Variants in CSNK1G3 observed in about 807,000 individuals in gnomAD.
CSNK1G3 encodes the protein casein kinase I isoform gamma-3.
Under a neutral mutation model 64.3 loss-of-function variants are expected in CSNK1G3, and 23 were observed. The observed-to-expected ratio is 0.36, with a 90% confidence interval of 0.26 to 0.51. The LOEUF (loss-of-function observed/expected upper bound fraction) is 0.51. Among genes scored for constraint, CSNK1G3 ranks in the 20% least tolerant of loss-of-function variants. The pLI is 0.96. For missense variants in CSNK1G3, 357 were observed against 510.5 expected (o/e 0.70, Z 2.90); for synonymous variants, 158 against 162.2 (o/e 0.97, Z 0.20).
chr5:123,537,332 A>G (rs1218034661), intron 1 of CSNK1G3, among the ~76,000 whole-genome samples: 1 of 151,822 alleles, frequency 6.6e-6, no homozygotes, highest in Non-Finnish European at 1.5e-5. Context: ...AGGAACAGAA[A>G]GTCAGATATC....
In CSNK1G3 at chr5:123,605,403, C is replaced by A. The variant is rs185257593; in HGVS notation, c.1217+41C>A. 2.8e-3 allele frequency: 4,541 copies of A among 1,596,844 alleles called. 41 individuals carry two copies. Among genetic ancestry groups the A allele is most frequent in the Non-Finnish European group, 1.9e-3 (2,217 of 1,171,452 alleles). On this transcript the variant is annotated intron_variant, in intron 12 of 12. Coordinates refer to ENST00000345990, the Ensembl canonical transcript of CSNK1G3. The stretch of plus-strand genomic sequence containing the variant: ...AGGCAGGCAGAAATAGCTCCATTGA[C>A]TGTAATTTCAAAGATTTAGCATCAT...
intron 2 of CSNK1G3, among the ~76,000 whole-genome samples, chr5:123,550,175 C>T (rs1783366708): frequency 6.6e-6 from 1 of 152,030 alleles, no homozygotes; most frequent in African/African-American, 2.4e-5. Context: ...ACGAAAAATT[C>T]CAATATATAG....
chr5:123,523,609 T>C (rs1234089762), intron 1 of CSNK1G3, among the ~76,000 whole-genome samples: 3 of 152,206 alleles, frequency 2.0e-5, no homozygotes, highest in Non-Finnish European at 4.4e-5. Context: ...GGGTAGAGTT[T>C]AGAGGACGTG....
At chr5:123,595,223 T>C (rs1793199740) in intron 10 of CSNK1G3, 89 bp downstream of exon 11, 1 of 1,196,822 alleles carries the variant, frequency 8.4e-7, no homozygotes, top group Non-Finnish European at 1.2e-6. Flanking sequence ...TTTCATATCT[T>C]AATGGAAAAT....
chr5:123,559,697 T>C (rs1785300266), intron 4 of CSNK1G3, among the ~76,000 whole-genome samples: 1 of 133,898 alleles, frequency 7.5e-6, no homozygotes, highest in Admixed American at 7.6e-5. Context: ...GGCATATTTT[T>C]TGTGGTTTTT....
chr5:123,591,076 A>T (rs1792258634), intron 9 of CSNK1G3, among the ~76,000 whole-genome samples: 1 of 152,094 alleles, frequency 6.6e-6, no homozygotes. Flanking sequence ...TGTTCTGTAG[A>T]TGTAAAAATA....
intron 4 of CSNK1G3, among the ~76,000 whole-genome samples, chr5:123,569,779 C>T (rs1032079229): frequency 5.9e-5 from 8 of 134,652 alleles, no homozygotes; most frequent in African/African-American, 2.1e-4. Flanking sequence ...CTTCGTTGTA[C>T]TCTTGAATAG....
chr5:123,530,967 A>G (rs948295171), intron 1 of CSNK1G3, among the ~76,000 whole-genome samples: 32 of 152,304 alleles, frequency 2.1e-4, no homozygotes, highest in Middle Eastern at 3.4e-3. Flanking sequence ...TGTAACGGCT[A>G]GCCTTCACAT....
At chr5:123,608,510 A>T (rs12520739) in intron 12 of CSNK1G3, among the ~76,000 whole-genome samples, 3 of 151,940 alleles carry the variant, frequency 2.0e-5, no homozygotes, top group African/African-American at 7.2e-5. Flanking sequence ...ATTTAGTTTA[A>T]TTATTTACTT....
At chr5:123,540,177 TCCAGTTTGCCA>T (rs1230048173) in intron 1 of CSNK1G3, among the ~76,000 whole-genome samples, 2 of 152,174 alleles carry the variant, frequency 1.3e-5, no homozygotes, top group East Asian at 3.8e-4. Flanking sequence ...TTCTGCTTTA[TCCAGTTTGCCA>T]CTGAGTGTAT....
intron 1 of CSNK1G3, among the ~76,000 whole-genome samples, chr5:123,517,762 G>C (rs1777420705): frequency 6.6e-6 from 1 of 152,046 alleles, no homozygotes; most frequent in South Asian, 2.1e-4. Flanking sequence ...TTTTGTTTTA[G>C]TTGTAATAAA....
intron 10 of CSNK1G3, among the ~76,000 whole-genome samples, chr5:123,600,903 C>CTTT (rs376563590): frequency 7.2e-6 from 1 of 138,340 alleles, no homozygotes; most frequent in African/African-American, 2.6e-5. Flanking sequence ...GTCTAGTTGC[C>CTTT]TTTTTTTTTT....
chr5:123,520,126 TA>T (rs1334954795), intron 1 of CSNK1G3, among the ~76,000 whole-genome samples: 1 of 152,198 alleles, frequency 6.6e-6, no homozygotes, highest in African/African-American at 2.4e-5. Flanking sequence ...GGAATAATCT[TA>T]AACCTAGCCT....
chr5:123,574,775 G>T (rs1788839611), intron 5 of CSNK1G3, among the ~76,000 whole-genome samples: 1 of 152,146 alleles, frequency 6.6e-6, no homozygotes, highest in East Asian at 1.9e-4. Flanking sequence ...GGTTGAAGCT[G>T]CAATGAGCTA....
intron 1 of CSNK1G3, among the ~76,000 whole-genome samples, chr5:123,538,421 A>G (rs1046387056): frequency 1.3e-5 from 2 of 152,182 alleles, no homozygotes; most frequent in African/African-American, 4.8e-5. Flanking sequence ...TTGCATGACA[A>G]GTAATGATAC....
At chr5:123,534,820 G>A (rs1780526048) in intron 1 of CSNK1G3, among the ~76,000 whole-genome samples, 1 of 152,088 alleles carries the variant, frequency 6.6e-6, no homozygotes, top group African/African-American at 2.4e-5. Context: ...GCGAGATAAT[G>A]TTTGTGTTGT....
intron 1 of CSNK1G3, among the ~76,000 whole-genome samples, chr5:123,513,050 G>T (rs2149847928): frequency 6.6e-6 from 1 of 152,254 alleles, no homozygotes; most frequent in East Asian, 1.9e-4. Flanking sequence ...GGCGACGGGG[G>T]CCAGCGTTCA....
At chr5:123,574,197 A>G (rs187387211) in intron 5 of CSNK1G3, among the ~76,000 whole-genome samples, 2 of 152,244 alleles carry the variant, frequency 1.3e-5, no homozygotes, top group East Asian at 3.9e-4. Flanking sequence ...ACCTGGAAAA[A>G]CAAGAGGCAG....
chr5:123,528,381 T>TC, intron 1 of CSNK1G3, among the ~76,000 whole-genome samples: 2 of 152,336 alleles, frequency 1.3e-5, no homozygotes, highest in East Asian at 3.9e-4. Context: ...TCTAAGAGGT[T>TC]GTTCATTCAT....
Sources: allele counts gnomAD v4.1 joint callset (sites outside exome capture counted in the v4.1 genomes callset), GRCh38; gene constraint gnomAD v4.1.1; transcripts MANE v1.5; gene names NCBI Gene and HGNC (gene_info 2026-07-23, HGNC 2026-07-21).